The following TDRD7 variants were observed in gnomAD, a reference collection of about 807,000 sequenced individuals.
TDRD7 encodes the protein tudor domain containing 7.
Under a neutral mutation model 109.8 loss-of-function variants are expected in TDRD7, and 47 were observed. The ratio of observed to expected loss-of-function variants is 0.43; its 90% CI spans 0.34 to 0.55. The LOEUF (loss-of-function observed/expected upper bound fraction) is 0.55, where lower values mean the gene tolerates loss of function less well. Ranked by LOEUF, TDRD7 falls within the 20% of genes least tolerant of loss-of-function variation. The probability of loss-of-function intolerance (pLI) is 0.03; values close to 1 mark genes in which losing one functional copy is unlikely to be tolerated. For synonymous variants in TDRD7, 424 were observed against 457.3 expected (o/e 0.93, Z 0.93); for missense variants, 1,164 against 1,319.2 (o/e 0.88, Z 1.82).
chr9:97,480,311 C>G (rs1829094828), intron 13 of TDRD7: 1 of 176,988 alleles, frequency 5.7e-6, no homozygotes, highest in Non-Finnish European at 1.2e-5. Flanking sequence ...TCTCACCCTC[C>G]TTAGTTCTCA....
intron 6 of TDRD7, among the ~76,000 whole-genome samples, chr9:97,453,656 A>G (rs1462304536): frequency 1.3e-5 from 2 of 152,176 alleles, no homozygotes; most frequent in South Asian, 2.1e-4. Context: ...CCCATCTTAC[A>G]TGCAAAGACA....
chr9:97,463,308 A>T (rs923316846), intron 7 of TDRD7, among the ~76,000 whole-genome samples: 2 of 151,826 alleles, frequency 1.3e-5, no homozygotes, highest in Admixed American at 1.3e-4. Context: ...AGCCAATAAT[A>T]TGCACATAAT....
At chr9:97,476,954 GT>G (rs1396846575) in intron 12 of TDRD7, among the ~76,000 whole-genome samples, 4 of 152,124 alleles carry the variant, frequency 2.6e-5, no homozygotes, top group Non-Finnish European at 5.9e-5. Context: ...TAATGTGACT[GT>G]ATGTCAGAAG....
intron 1 of TDRD7, among the ~76,000 whole-genome samples, chr9:97,418,788 A>G (rs1827853046): frequency 6.6e-6 from 1 of 152,294 alleles, no homozygotes; most frequent in East Asian, 1.9e-4. Context: ...TAGTAACAGG[A>G]CACCCATTAG....
rs554571640 is a variant in TDRD7, at chr9:97,483,362, G to A, written c.2915+11G>A. 1.2e-5 allele frequency: 20 copies of A among 1,612,634 alleles called. No individual in the cohort carries two copies. In the East Asian group the frequency reaches 1.3e-4, roughly 11 times the overall value. ...AAAAGTGGAAAATAAGTAGGTCCTT[G>A]GACAAAGCATTTTATTCTACTCCTA... On this transcript the variant is annotated intron_variant, in intron 15 of 16. Transcript: ENST00000355295.
At chr9:97,488,000 A>T (rs1005860913) in intron 16 of TDRD7, among the ~76,000 whole-genome samples, 1 of 152,208 alleles carries the variant, frequency 6.6e-6, no homozygotes, top group African/African-American at 2.4e-5. Flanking sequence ...CAATTTCACC[A>T]CATTCACATC....
At chr9:97,418,445 A>T (rs1007942728) in intron 1 of TDRD7, among the ~76,000 whole-genome samples, 2 of 152,162 alleles carry the variant, frequency 1.3e-5, no homozygotes, top group Admixed American at 6.5e-5. Context: ...TAGAGAAGCA[A>T]GCATTAGGCA....
At chr9:97,479,891 A>G (rs2131173722) in intron 13 of TDRD7, among the ~76,000 whole-genome samples, 1 of 152,188 alleles carries the variant, frequency 6.6e-6, no homozygotes, top group Admixed American at 6.5e-5. Context: ...GCTCCTTAGG[A>G]GTTTGGGGCC....
intron 16 of TDRD7, among the ~76,000 whole-genome samples, chr9:97,490,601 T>C (rs1175622883): frequency 6.6e-6 from 1 of 150,434 alleles, no homozygotes; most frequent in African/African-American, 2.4e-5. Context: ...CCTAGATCAA[T>C]GATTTAGTGT....
At chr9:97,484,493 C>T (rs1829178022) in intron 15 of TDRD7, among the ~76,000 whole-genome samples, 1 of 130,154 alleles carries the variant, frequency 7.7e-6, no homozygotes, top group African/African-American at 2.5e-5. Flanking sequence ...CACACACACA[C>T]CCCAAAACTC....
rs1829388989 is a variant in TDRD7 at position 97,495,840 on chromosome 9, AT to A, written c.3258del (p.Phe1086LeufsTer6). On this transcript the variant is annotated frameshift_variant, in exon 17 of 17. Coordinates refer to ENST00000355295, the MANE Select transcript of TDRD7 (RefSeq NM_014290.3). LOFTEE classifies it high-confidence loss of function. ...CCAGACACCGATACCTGGATTCATG[AT>A]TTTATGTCAGAGTATCTGATAGAGC... is the stretch of plus-strand genomic sequence containing the variant. ...SLPDTDTWIHDFMSEYLIELS... is the reference protein window; with the variant it reads ...SLPDTDTWIHXFMSEYLIELS... The A allele has an allele frequency of 2.5e-6, 4 of 1,614,210 alleles. No individual in the cohort carries two copies. The highest frequency in any genetic ancestry group is 2.5e-6 in the Non-Finnish European group (3 of 1,180,028).
intron 4 of TDRD7, among the ~76,000 whole-genome samples, chr9:97,436,867 T>C (rs72749682): frequency 0.019 from 2,933 of 152,266 alleles, 31 homozygotes; most frequent in Middle Eastern, 0.058. Flanking sequence ...TATAAACATA[T>C]GGTTCAGTTC....
chr9:97,493,026 T>A (rs1472507854), intron 16 of TDRD7, among the ~76,000 whole-genome samples: 2 of 152,100 alleles, frequency 1.3e-5, no homozygotes, highest in Non-Finnish European at 2.9e-5. Flanking sequence ...TTTAGGAATA[T>A]CTCTAGATGT....
At position 97,475,266 on chromosome 9, in the gene TDRD7, A is replaced by T. The variant is rs1206872484; in HGVS notation, c.2080-117A>T. 4.1e-5 allele frequency: 32 copies of T among 785,450 alleles called. No homozygotes were observed. The Admixed American group carries it at 6.3e-4, about 16-fold the overall frequency. 48.7% of individuals were successfully genotyped at this position (785,450 alleles called of 1,614,324 possible). On this transcript the variant is annotated intron_variant, in intron 11 of 16. Coordinates refer to ENST00000355295, the MANE Select transcript of TDRD7 (RefSeq NM_014290.3). ...GTGTGTTTGCTGCATCCATTGCTGG[A>T]AGTCTGACTACATGTCGGTTAAGTC...
chr9:97,486,398 T>G (rs1829212449), intron 15 of TDRD7, among the ~76,000 whole-genome samples: 1 of 152,192 alleles, frequency 6.6e-6, no homozygotes, highest in South Asian at 2.1e-4. Context: ...TAGGGGTAAG[T>G]AGATTCCTGT....
At chr9:97,450,890 C>T (rs1415682975) in intron 6 of TDRD7, among the ~76,000 whole-genome samples, 3 of 151,250 alleles carry the variant, frequency 2.0e-5, no homozygotes, top group African/African-American at 7.3e-5. Flanking sequence ...CAAAGTGACT[C>T]TCCAAAGTTA....
At position 97,441,651 on chromosome 9, in the gene TDRD7, T is replaced by C. The variant is rs1473904761; in HGVS notation, c.638-7T>C. 6.3e-7 allele frequency: 1 copy of C among 1,589,762 alleles called. No individual in the cohort carries two copies. The highest frequency in any genetic ancestry group is 2.3e-5 in the East Asian group (1 of 42,754). ...TTGGTTAATTCTATTATTTTTTTAA[T>C]TTAAAGATAATTTAAATCAGACTGT... On this transcript the variant is annotated splice_polypyrimidine_tract_variant and splice_region_variant and intron_variant, in intron 5 of 16. Coordinates refer to ENST00000355295, the MANE Select transcript of TDRD7 (RefSeq NM_014290.3).
chr9:97,439,896 C>A (rs762230977), intron 5 of TDRD7, among the ~76,000 whole-genome samples: 11 of 152,190 alleles, frequency 7.2e-5, no homozygotes, highest in Non-Finnish European at 1.5e-4. Flanking sequence ...CACTTGTTAT[C>A]TTTTCTTCTC....
chr9:97,483,846 C>T (rs1242702159), intron 15 of TDRD7, among the ~76,000 whole-genome samples: 1 of 152,064 alleles, frequency 6.6e-6, no homozygotes, highest in Non-Finnish European at 1.5e-5. Context: ...TTTCACCTAA[C>T]ATTATGTCAT....
Sources: allele counts gnomAD v4.1 joint callset (sites outside exome capture counted in the v4.1 genomes callset), GRCh38; gene constraint gnomAD v4.1.1; transcripts MANE v1.5; gene names NCBI Gene and HGNC (gene_info 2026-07-23, HGNC 2026-07-21).